Variants in CDH10 observed in about 807,000 individuals in gnomAD.
The protein encoded by CDH10 is cadherin 10, also known as cadherin-10.
Under a neutral mutation model 73.1 loss-of-function variants are expected in CDH10, and 30 were observed. That is an observed-to-expected ratio of 0.41 (90% CI 0.31 to 0.56). CDH10 has a LOEUF of 0.56. CDH10 is among the 20% of genes least tolerant of loss of function. The probability of loss-of-function intolerance (pLI) is 0.27; values close to 1 mark genes in which losing one functional copy is unlikely to be tolerated. For synonymous variants in CDH10, 345 were observed against 348.2 expected, an observed-to-expected ratio of 0.99 and a Z score of 0.10; for missense variants, 815 against 973.7, an observed-to-expected ratio of 0.84 and a Z score of 2.17.
chr5:24,642,768 C>CT (rs1561211869), intron 1 of CDH10, among the ~76,000 whole-genome samples: 1 of 152,054 alleles, frequency 6.6e-6, no homozygotes, highest in African/African-American at 2.4e-5. Flanking sequence ...AGTTTACCTT[C>CT]TTTTTTCCCA....
At chr5:24,608,350 T>A (rs1388648898) in intron 1 of CDH10, among the ~76,000 whole-genome samples, 1 of 152,162 alleles carries the variant, frequency 6.6e-6, no homozygotes, top group African/African-American at 2.4e-5. Context: ...TGGAGTGTAG[T>A]GGCGCGATCT....
At chr5:24,518,143 C>G (rs1473080021) in intron 5 of CDH10, among the ~76,000 whole-genome samples, 1 of 152,148 alleles carries the variant, frequency 6.6e-6, no homozygotes, top group African/African-American at 2.4e-5. Context: ...CTAAGCTTGT[C>G]CTAACTAAGA....
intron 8 of CDH10, among the ~76,000 whole-genome samples, chr5:24,501,488 CA>C (rs1399073970): frequency 6.6e-6 from 1 of 152,128 alleles, no homozygotes; most frequent in Admixed American, 6.5e-5. Context: ...TAGCAGCTGG[CA>C]TATATTTACC....
intron 1 of CDH10, among the ~76,000 whole-genome samples, chr5:24,609,451 C>CA (rs1746871020): frequency 6.6e-6 from 1 of 152,090 alleles, no homozygotes; most frequent in African/African-American, 2.4e-5. Context: ...AGATGTGACT[C>CA]AGAGTAACAG....
chr5:24,572,276 A>C (rs1745412916), intron 2 of CDH10, among the ~76,000 whole-genome samples: 1 of 152,144 alleles, frequency 6.6e-6, no homozygotes, highest in Non-Finnish European at 1.5e-5. Context: ...TTCAACTTCC[A>C]GGTAAAGAAG....
chr5:24,494,906 G>A (rs886084960), intron 9 of CDH10, among the ~76,000 whole-genome samples: 25 of 152,028 alleles, frequency 1.6e-4, no homozygotes, highest in Admixed American at 1.5e-3. Flanking sequence ...ATGACCTTAA[G>A]ACTTCGCTAC....
chr5:24,633,373 G>C (rs766595643), intron 1 of CDH10, among the ~76,000 whole-genome samples: 4 of 151,744 alleles, frequency 2.6e-5, no homozygotes, highest in Non-Finnish European at 5.9e-5. Flanking sequence ...AAAATGAATT[G>C]TTTTAGAATG....
At chr5:24,636,721 A>G (rs146226585) in intron 1 of CDH10, among the ~76,000 whole-genome samples, 40 of 152,130 alleles carry the variant, frequency 2.6e-4, no homozygotes, top group African/African-American at 8.7e-4. Flanking sequence ...AATTTGGGAT[A>G]CATTTGGCCT....
intron 1 of CDH10, among the ~76,000 whole-genome samples, chr5:24,622,887 T>G (rs1747364284): frequency 6.6e-6 from 1 of 152,242 alleles, no homozygotes; most frequent in Admixed American, 6.5e-5. Flanking sequence ...TTTAAAAAGT[T>G]AGAAATTATT....
chr5:24,560,200 T>TTG (rs70965615), intron 2 of CDH10, among the ~76,000 whole-genome samples: 25 of 148,354 alleles, frequency 1.7e-4, no homozygotes, highest in African/African-American at 6.4e-4. Flanking sequence ...ATATTTGCAA[T>TTG]TGTGTGTGTG....
At chr5:24,549,888 C>T (rs894078345) in intron 2 of CDH10, among the ~76,000 whole-genome samples, 1 of 152,054 alleles carries the variant, frequency 6.6e-6, no homozygotes, top group African/African-American at 2.4e-5. Flanking sequence ...AAAAAAATAA[C>T]TAGCAGTATA....
intron 2 of CDH10, among the ~76,000 whole-genome samples, chr5:24,566,090 C>T (rs1745156381): frequency 6.6e-6 from 1 of 152,008 alleles, no homozygotes; most frequent in Non-Finnish European, 1.5e-5. Context: ...ACCCTCTTGC[C>T]CAGGCTGGAG....
chr5:24,492,766 A>AT, intron 10 of CDH10, 51 bp downstream of exon 10: 1 of 793,252 alleles, frequency 1.3e-6, no homozygotes, highest in Non-Finnish European at 2.3e-6. Flanking sequence ...CACTCGGGAA[A>AT]TTTCCTGTTA....
chr5:24,507,965 T>C (rs1021269022), intron 7 of CDH10, among the ~76,000 whole-genome samples: 6 of 152,216 alleles, frequency 3.9e-5, no homozygotes, highest in African/African-American at 7.2e-5. Context: ...ATAAAATACA[T>C]GATTTCACTT....
At chr5:24,636,741 T>A (rs1350166844) in intron 1 of CDH10, among the ~76,000 whole-genome samples, 1 of 151,968 alleles carries the variant, frequency 6.6e-6, no homozygotes, top group Non-Finnish European at 1.5e-5. Context: ...TCCTGATACA[T>A]AATTCTCCTG....
intron 8 of CDH10, among the ~76,000 whole-genome samples, chr5:24,502,165 G>A (rs948937528): frequency 3.3e-5 from 5 of 151,978 alleles, no homozygotes; most frequent in Non-Finnish European, 5.9e-5. Context: ...CTCGTGATCC[G>A]CCCGCCTTGG....
chr5:24,586,434 CTTTT>C lies in CDH10; in HGVS notation c.231+6822_231+6825del, dbSNP rs35486231. Among the ~76,000 whole-genome samples the C allele has an allele frequency of 1.7e-3, 170 of 100,402 alleles. 1 individual carries two copies. The highest frequency in any genetic ancestry group is 2.6e-3 in the Non-Finnish European group (136 of 53,164). 65.9% of individuals were successfully genotyped at this position (100,402 alleles called of 152,430 possible). A position where few individuals can be genotyped will look rare whatever the true frequency, so the allele number is the denominator to read the frequency against. On this transcript the variant is annotated intron_variant, in intron 2 of 11. Transcript: ENST00000264463. ...GAAAATTTACATGCTTTATTAACTC[CTTTT>C]TTTTTTTTTTTTTTTTTTGAGACGG...
rs2111725886 is a variant in CDH10, at chr5:24,505,150, G to A, written c.1355C>T (p.Ser452Phe). 1 of 1,612,338 alleles carries A rather than the reference G, an allele frequency of 6.2e-7. No individual in the cohort carries two copies. The highest frequency in any genetic ancestry group is 8.5e-7 in the Non-Finnish European group (1 of 1,178,568). The change falls in exon 8 of 12, where the codon TCT (serine) becomes TTT (phenylalanine). Residue 452 changes from serine (S) to phenylalanine (F), a missense_variant. Around this residue, in one of 3 missense-constraint regions of CDH10, gnomAD observed 516 missense variants for 636.6 expected, o/e 0.81. Coordinates refer to ENST00000264463, the MANE Select transcript of CDH10 (RefSeq NM_006727.5). The part of the protein sequence containing the change: ...YTSKPLDREL[S>F]QWHNLTVIAA... ...AATAACAGTAAGATTATGCCACTGA[G>A]ATAGTTCACGGTCAAGAGGTTTTGA...
chr5:24,627,761 T>C (rs1226544534), intron 1 of CDH10, among the ~76,000 whole-genome samples: 1 of 152,154 alleles, frequency 6.6e-6, no homozygotes, highest in Non-Finnish European at 1.5e-5. Context: ...TTATTTGCTT[T>C]AACACATTTT....
Sources: gnomAD v4.1 joint callset for allele counts (sites outside exome capture counted in the v4.1 genomes callset) on GRCh38, gnomAD v4.1.1 for gene constraint, gnomAD v4.1.1 regional missense constraint, MANE v1.5 for transcripts, NCBI Gene and HGNC (gene_info 2026-07-23, HGNC 2026-07-21) for gene names.